The following INSL6 variants were observed in gnomAD, a reference collection of about 807,000 sequenced individuals.
INSL6 encodes insulin like 6, also known as insulin-like peptide INSL6.
A neutral mutation model predicts 9.4 loss-of-function variants in INSL6; 16 were observed. That is an observed-to-expected ratio of 1.70 (90% confidence interval 1.15 to 2.59). The LOEUF is 2.59. INSL6 is among the 30% of genes most tolerant of loss of function. The pLI, the probability that INSL6 is intolerant of heterozygous loss-of-function variation, is 0.00. For synonymous variants in INSL6, 154 were observed against 96.9 expected (o/e 1.59, Z -3.46); for missense variants, 391 against 257.3 (o/e 1.52, Z -3.56).
At chr9:5,080,721 C>CTA in the INSL6 span, 1 of 1,443,264 alleles carries the variant, frequency 6.9e-7, no homozygotes. Context: ...TTCCAGCTTT[C>CTA]TATCTTTATT....
At chr9:5,121,122 T>C (rs1433175564), downstream of INSL6, among the ~76,000 whole-genome samples, 8 of 152,162 alleles carry the variant, frequency 5.3e-5, no homozygotes, top group East Asian at 1.5e-3. Flanking sequence ...AGTAGTAGTG[T>C]TGGGAAAGTA....
the INSL6 span, among the ~76,000 whole-genome samples, chr9:5,061,566 T>C: frequency 3.3e-5 from 5 of 152,224 alleles, no homozygotes; most frequent in East Asian, 1.9e-4. Flanking sequence ...TCAGCCTTCA[T>C]AGAATTTAAG....
chr9:5,159,863 G>A (rs143401332), downstream of INSL6, among the ~76,000 whole-genome samples: 2 of 152,248 alleles, frequency 1.3e-5, no homozygotes, highest in East Asian at 3.9e-4. Flanking sequence ...TCAGCATGCG[G>A]CTCATCCTCG....
At chr9:5,078,227 G>C in the INSL6 span, 2 of 1,205,442 alleles carry the variant, frequency 1.7e-6, no homozygotes, top group Non-Finnish European at 2.3e-6. Context: ...CTTTAAATCT[G>C]TTTTGGGGGC....
chr9:5,183,475 G>A (rs1434724389), intron 1 of INSL6, among the ~76,000 whole-genome samples: 12 of 152,136 alleles, frequency 7.9e-5, no homozygotes, highest in Admixed American at 7.9e-4. Context: ...TATTCTTCCA[G>A]GGGAGTGTGA....
the INSL6 span, among the ~76,000 whole-genome samples, chr9:5,042,170 G>T: frequency 7.4e-6 from 1 of 135,716 alleles, no homozygotes; most frequent in Non-Finnish European, 1.5e-5. Context: ...TCGCTTTGTC[G>T]CCCAGGCCGG....
intron 1 of INSL6, among the ~76,000 whole-genome samples, chr9:5,176,456 G>C (rs1194535974): frequency 6.6e-6 from 1 of 152,100 alleles, no homozygotes; most frequent in Non-Finnish European, 1.5e-5. Flanking sequence ...ATATTCCCAA[G>C]ATTCTAAAAT....
At chr9:5,114,315 G>A in the INSL6 span, 8 of 543,366 alleles carry the variant, frequency 1.5e-5, no homozygotes, top group Non-Finnish European at 2.2e-5. Flanking sequence ...CCAGGCCAGT[G>A]GGAAGTCTGT....
downstream of INSL6, among the ~76,000 whole-genome samples, chr9:5,159,930 G>A (rs1053715760): frequency 1.3e-4 from 20 of 152,286 alleles, no homozygotes; most frequent in African/African-American, 4.6e-4. Context: ...ATCCCAGCAG[G>A]TTGGGAGGCC....
At chr9:5,182,376 C>T (rs1393250717) in intron 1 of INSL6, among the ~76,000 whole-genome samples, 2 of 151,744 alleles carry the variant, frequency 1.3e-5, no homozygotes, top group African/African-American at 4.9e-5. Context: ...AAACACATTA[C>T]AACAATTGCC....
At chr9:5,046,652 T>A in the INSL6 span, among the ~76,000 whole-genome samples, 1 of 152,196 alleles carries the variant, frequency 6.6e-6, no homozygotes, top group Non-Finnish European at 1.5e-5. Flanking sequence ...TGAAAGACTG[T>A]CTTTTCTCCA....
chr9:5,067,666 ATATTT>A, the INSL6 span, among the ~76,000 whole-genome samples: 1 of 151,882 alleles, frequency 6.6e-6, no homozygotes, highest in African/African-American at 2.4e-5. Context: ...ATATATATAT[ATATTT>A]TATGTTCACT....
At chr9:5,160,715 G>T (rs914027566), downstream of INSL6, among the ~76,000 whole-genome samples, 1 of 152,032 alleles carries the variant, frequency 6.6e-6, no homozygotes, top group African/African-American at 2.4e-5. Context: ...TAGATAAAAA[G>T]TGACAAGACA....
downstream of INSL6, among the ~76,000 whole-genome samples, chr9:5,162,650 G>C (rs903359679): frequency 1.3e-5 from 2 of 152,190 alleles, no homozygotes; most frequent in African/African-American, 4.8e-5. Context: ...TATCTACATG[G>C]GTAGCTCCCT....
chr9:5,095,076 C>T, the INSL6 span: 1 of 152,002 alleles, frequency 6.6e-6, no homozygotes, highest in African/African-American at 2.4e-5. Flanking sequence ...GGTTAAAATC[C>T]TCTTATTTCT....
the INSL6 span, chr9:5,111,824 G>T: frequency 2.4e-6 from 1 of 415,354 alleles, no homozygotes; most frequent in Non-Finnish European, 4.7e-6. Context: ...GGCGTCTCCA[G>T]CCACACGCCT....
At chr9:5,070,698 G>A in the INSL6 span, among the ~76,000 whole-genome samples, 1 of 151,948 alleles carries the variant, frequency 6.6e-6, no homozygotes, top group Admixed American at 6.6e-5. Context: ...TGCCAGTACA[G>A]AGGGCCCACT....
chr9:5,163,335 C>T (rs1000683497), downstream of INSL6, among the ~76,000 whole-genome samples: 1 of 152,188 alleles, frequency 6.6e-6, no homozygotes. Flanking sequence ...AAAGCAAAGA[C>T]AGGGTATCTT....
the INSL6 span, among the ~76,000 whole-genome samples, chr9:5,018,811 T>G: frequency 3.9e-5 from 6 of 152,376 alleles, no homozygotes; most frequent in East Asian, 1.2e-3. Flanking sequence ...GGTTTTTTTC[T>G]TTCAGCACTT....
Sources: gnomAD v4.1 joint callset for allele counts (sites outside exome capture counted in the v4.1 genomes callset) on GRCh38, gnomAD v4.1.1 for gene constraint, MANE v1.5 for transcripts, NCBI Gene and HGNC (gene_info 2026-07-23, HGNC 2026-07-21) for gene names.